Variants in TRIM33 observed in about 807,000 individuals in gnomAD.
TRIM33 encodes the protein tripartite motif containing 33, also known as E3 ubiquitin-protein ligase TRIM33.
A neutral mutation model predicts 125.4 loss-of-function variants in TRIM33; 20 were observed. The observed-to-expected ratio is 0.16, with a 90% CI of 0.11 to 0.23. TRIM33 has a LOEUF of 0.23. Among genes scored for constraint, TRIM33 ranks in the 10% least tolerant of loss-of-function variants. TRIM33 has a pLI of 1.00. For missense variants in TRIM33, 920 were observed against 1,411.4 expected, an observed-to-expected ratio of 0.65 and a Z score of 5.58; for synonymous variants, 564 against 513.9, an observed-to-expected ratio of 1.10 and a Z score of -1.32.
chr1:114,463,449 A>T lies in TRIM33; in HGVS notation c.753T>A (p.Thr251=), dbSNP rs766915746. The change falls in exon 3 of 20, where the codon ACT becomes ACA. Residue 251 remains threonine, a synonymous_variant. Transcript: ENST00000358465. The stretch of plus-strand genomic sequence containing the variant: ...CTTTCTTCCTGATCAAGTGATCTTT[A>T]GTAAATTTTACTCTTTGATGTGCTT... ...CIEAHQRVKF[T]KDHLIRKKED... is the part of the protein sequence containing the mutation. The T allele has an allele frequency of 6.2e-7, 1 of 1,613,416 alleles. No individual in the cohort carries two copies. The highest frequency in any genetic ancestry group is 8.5e-7 in the Non-Finnish European group (1 of 1,179,574).
At chr1:114,438,839 T>C (rs193002551) in intron 4 of TRIM33, among the ~76,000 whole-genome samples, 1 of 152,310 alleles carries the variant, frequency 6.6e-6, no homozygotes, top group African/African-American at 2.4e-5. Context: ...TTTTAAAGGA[T>C]TTATACTGTT....
chr1:114,407,142 T>G, intron 13 of TRIM33, 42 bp from the exon 14 acceptor site: 2 of 1,536,248 alleles, frequency 1.3e-6, no homozygotes, highest in Middle Eastern at 1.7e-4. Context: ...CGTTTGACTA[T>G]ATGGTATAAA....
chr1:114,468,865 C>T (rs12083873), intron 1 of TRIM33: 41,399 of 241,382 alleles, frequency 0.17, 4,904 homozygotes, highest in East Asian at 0.4. Flanking sequence ...TGCAACATCA[C>T]GAGGGAAAAG....
At chr1:114,448,882 T>C (rs1242027527) in intron 4 of TRIM33, among the ~76,000 whole-genome samples, 1 of 152,084 alleles carries the variant, frequency 6.6e-6, no homozygotes, top group Non-Finnish European at 1.5e-5. Flanking sequence ...TATATGACTA[T>C]GCATATGAGT....
At position 114,510,867 on chromosome 1, in the gene TRIM33, G is replaced by A. The variant is rs562166551; in HGVS notation, c.210C>T (p.Ala70=). The A allele has an allele frequency of 1.1e-4, 163 of 1,465,174 alleles. No homozygotes were observed. The African/African-American group carries it at 1.9e-3, about 17-fold the overall frequency. 90.8% of individuals were successfully genotyped at this position (1,465,174 alleles called of 1,614,324 possible). ...AGPDDGGVAA[A]SSGSAQAASS... ...AAGCAGCCTGGGCCGAGCCCGAGGAGGCCGCGGCCACCCCCCCGTCGTCGG... is the reference window on the plus strand; with the variant it reads ...AAGCAGCCTGGGCCGAGCCCGAGGAAGCCGCGGCCACCCCCCCGTCGTCGG... The change falls in exon 1 of 20, where the codon GCC becomes GCT. Residue 70 remains alanine, a synonymous_variant. Transcript: ENST00000358465.
At chr1:114,493,497 C>A (rs1282035756) in intron 1 of TRIM33, among the ~76,000 whole-genome samples, 1 of 152,166 alleles carries the variant, frequency 6.6e-6, no homozygotes, top group African/African-American at 2.4e-5. Context: ...GTTGCCCAAG[C>A]TGATCTCAAA....
At chr1:114,427,703 TTAA>T in intron 7 of TRIM33, 42 bp downstream of exon 7, 1 of 1,582,686 alleles carries the variant, frequency 6.3e-7, no homozygotes. Context: ...AATATATATC[TTAA>T]TAAAGTCCAT....
At chr1:114,483,047 G>A (rs980858532) in intron 1 of TRIM33, among the ~76,000 whole-genome samples, 1 of 152,142 alleles carries the variant, frequency 6.6e-6, no homozygotes, top group African/African-American at 2.4e-5. Context: ...TACCAGCTAG[G>A]TAATCCCAGC....
chr1:114,432,709 C>A (rs373152681), intron 5 of TRIM33, among the ~76,000 whole-genome samples: 2 of 152,088 alleles, frequency 1.3e-5, no homozygotes, highest in South Asian at 4.1e-4. Context: ...TGGCGTGAAC[C>A]CAGAAGGTGG....
At chr1:114,480,662 G>GCAAAAT (rs1557891480) in intron 1 of TRIM33, among the ~76,000 whole-genome samples, 1 of 151,822 alleles carries the variant, frequency 6.6e-6, no homozygotes, top group Non-Finnish European at 1.5e-5. Context: ...AATGACACAC[G>GCAAAAT]GAAAACAACT....
intron 1 of TRIM33, among the ~76,000 whole-genome samples, chr1:114,471,126 T>C (rs1403350204): frequency 6.6e-6 from 1 of 152,124 alleles, no homozygotes; most frequent in Non-Finnish European, 1.5e-5. Context: ...AAATTAAAAG[T>C]GACAGTCCAG....
intron 7 of TRIM33, 60 bp from the exon 8 acceptor site, chr1:114,427,354 G>A (rs1236576457): frequency 1.1e-6 from 1 of 911,114 alleles, no homozygotes; most frequent in Non-Finnish European, 1.7e-6. Flanking sequence ...GAAATCATAA[G>A]ATAAAGACAT....
chr1:114,490,425 A>G (rs1228684770), intron 1 of TRIM33, among the ~76,000 whole-genome samples: 1 of 152,206 alleles, frequency 6.6e-6, no homozygotes, highest in Non-Finnish European at 1.5e-5. Flanking sequence ...GAACCCTCAT[A>G]CATATTGCTG....
intron 4 of TRIM33, among the ~76,000 whole-genome samples, chr1:114,441,151 T>C (rs1487622818): frequency 6.6e-6 from 1 of 152,096 alleles, no homozygotes; most frequent in African/African-American, 2.4e-5. Context: ...GGACAAAACA[T>C]TTTAAAAAAT....
intron 4 of TRIM33, among the ~76,000 whole-genome samples, chr1:114,434,766 A>G (rs1482526240): frequency 6.6e-6 from 1 of 152,244 alleles, no homozygotes; most frequent in East Asian, 1.9e-4. Flanking sequence ...ATACTGTGAC[A>G]AGAGATATAA....
At chr1:114,404,114 A>C (rs753893191) in intron 15 of TRIM33, among the ~76,000 whole-genome samples, 1 of 152,172 alleles carries the variant, frequency 6.6e-6, no homozygotes, top group Non-Finnish European at 1.5e-5. Context: ...TCCTAAATCT[A>C]GGGATTGTAC....
At chr1:114,499,507 A>G (rs1365059914) in intron 1 of TRIM33, among the ~76,000 whole-genome samples, 1 of 151,570 alleles carries the variant, frequency 6.6e-6, no homozygotes, top group East Asian at 1.9e-4. Flanking sequence ...TTTTTTCCCC[A>G]CACCCACATT....
At chr1:114,400,775 G>C (rs1410283442) in intron 17 of TRIM33, among the ~76,000 whole-genome samples, 1 of 152,160 alleles carries the variant, frequency 6.6e-6, no homozygotes, top group Non-Finnish European at 1.5e-5. Flanking sequence ...AATGTGTGTA[G>C]AATATTCTTA....
intron 11 of TRIM33, among the ~76,000 whole-genome samples, chr1:114,412,361 GGT>G (rs1216825546): frequency 1.3e-5 from 2 of 152,152 alleles, no homozygotes; most frequent in Non-Finnish European, 2.9e-5. Flanking sequence ...ATGACATTAA[GGT>G]ATAAATGATG....
Sources: gnomAD v4.1 joint callset for allele counts (sites outside exome capture counted in the v4.1 genomes callset) on GRCh38, gnomAD v4.1.1 for gene constraint, MANE v1.5 for transcripts, NCBI Gene and HGNC (gene_info 2026-07-23, HGNC 2026-07-21) for gene names.